Variants in BRPF3 observed in about 807,000 individuals in gnomAD.
The protein encoded by BRPF3 is bromodomain and PHD finger-containing protein 3.
In BRPF3, 18 loss-of-function variants were observed where a neutral mutation model predicts 102.0. The ratio of observed to expected loss-of-function variants is 0.18; its 90% confidence interval spans 0.12 to 0.26. The LOEUF (loss-of-function observed/expected upper bound fraction) is 0.26, where lower values mean the gene tolerates loss of function less well. Ranked by LOEUF, BRPF3 falls within the 10% of genes least tolerant of loss-of-function variation. The pLI is 1.00. For synonymous variants in BRPF3, 570 were observed against 614.2 expected, an observed-to-expected ratio of 0.93 and a Z score of 1.06; for missense variants, 1,147 against 1,567.8, an observed-to-expected ratio of 0.73 and a Z score of 4.53.
intron 10 of BRPF3, among the ~76,000 whole-genome samples, chr6:36,224,462 AGT>A (rs1768664323): frequency 6.6e-6 from 1 of 152,242 alleles, no homozygotes; most frequent in African/African-American, 2.4e-5. Flanking sequence ...AGGGATACCC[AGT>A]CTCATTTCTG....
At chr6:36,228,725 C>T (rs893259418) in intron 11 of BRPF3, among the ~76,000 whole-genome samples, 177 bp from the exon 12 acceptor site, 25 of 152,214 alleles carry the variant, frequency 1.6e-4, no homozygotes, top group African/African-American at 5.3e-4. Context: ...GACCTCTACT[C>T]TTCTGTCCTA....
chr6:36,229,842 C>T (rs371935801), intron 12 of BRPF3, among the ~76,000 whole-genome samples: 1 of 152,202 alleles, frequency 6.6e-6, no homozygotes. Flanking sequence ...TTAATCCCCT[C>T]ATAATCCATT....
At position 36,230,711 on chromosome 6, in the gene BRPF3, C is replaced by T. The variant is rs934939001; in HGVS notation, c.*102C>T. On this transcript the variant is annotated 3_prime_UTR_variant, in exon 13 of 13. Transcript: ENST00000357641. This position sits in a 1 kb window ranked among gnomAD's most constrained non-coding sequence, Gnocchi z 5.4. ...GATGTATGGCCGGCAGCTTCCCCCTCTCATGGTAGGCCAGGGACTGGGCTT... is the reference window on the plus strand; with the variant it reads ...GATGTATGGCCGGCAGCTTCCCCCTTTCATGGTAGGCCAGGGACTGGGCTT... 2 of 1,384,640 alleles carry T rather than the reference C, an allele frequency of 1.4e-6. No individual in the cohort carries two copies. Among genetic ancestry groups the T allele is most frequent in the Non-Finnish European group, 2.0e-6 (2 of 1,023,854 alleles). 85.8% of individuals were successfully genotyped at this position (1,384,640 alleles called of 1,614,324 possible). A position where few individuals can be genotyped will look rare whatever the true frequency, so the allele number is the denominator to read the frequency against.
rs770143349 is a variant in BRPF3 at position 36,207,388 on chromosome 6, C to T, written c.1681C>T (p.Arg561Trp). ...YWQKLRHDLE[R>W]ARLLIELIRK... ...GCAGAAGCTCCGGCATGACTTGGAG[C>T]GGGCGCGGCTGCTGATTGAGCTGAT... Residue 561 changes from arginine to tryptophan, a missense_variant, in exon 4 of 13, where the codon CGG becomes TGG. Transcript: ENST00000357641. 8.7e-6 allele frequency: 14 copies of T among 1,613,878 alleles called. No homozygotes were observed. Among genetic ancestry groups the T allele is most frequent in the South Asian group, 2.2e-5 (2 of 91,080 alleles).
Position 36,228,983 on chromosome 6 carries a change from C to G in BRPF3, c.3361C>G (p.Leu1121Val), listed in dbSNP as rs1316935362. The change falls in exon 12 of 13, where the codon CTG becomes GTG. Residue 1121 changes from leucine to valine, a missense_variant. Leu to Val is a conservative substitution (Grantham distance 32). This residue lies in a region of BRPF3 where 85 missense variants were observed against 172.9 expected (regional missense o/e 0.49). Transcript: ENST00000357641. ...TGTCCCCCCGCTGGACGTGCTGAAG[C>G]TGGGAGAGCAGAAACAGGCAGAGGC... ...IPVPPLDVLK[L>V]GEQKQAEAGE... 1.9e-6 allele frequency: 3 copies of G among 1,614,130 alleles called. No individual in the cohort carries two copies. In the African/African-American group the frequency reaches 4.0e-5, roughly 22 times the overall value.
chr6:36,230,226 C>G lies in BRPF3; in HGVS notation c.3435-200C>G, dbSNP rs375055781. Among the ~76,000 whole-genome samples, 1 of 152,022 alleles carries G rather than the reference C, an allele frequency of 6.6e-6. No homozygotes were observed. The highest frequency in any genetic ancestry group is 1.5e-5 in the Non-Finnish European group (1 of 67,998). ...CAAAATTGATTCCATGCCATTCCCC[C>G]ACCCGACTCCTGCATATCCTGCTTG... On this transcript the variant is annotated intron_variant, in intron 12 of 12. Transcript: ENST00000357641. This position sits in a 1 kb window ranked among gnomAD's most constrained non-coding sequence, Gnocchi z 5.4.
rs780499788 is a variant in BRPF3 at position 36,228,942 on chromosome 6, A to G, written c.3320A>G (p.Asn1107Ser). 1.1e-5 allele frequency: 18 copies of G among 1,614,110 alleles called. 1 individual carries two copies. Among genetic ancestry groups the G allele is most frequent in the South Asian group, 3.3e-5 (3 of 91,084 alleles). The part of the protein sequence containing the change: ...PKMPREGLLH[N>S]GVPIPVPPLD... ...ATGCCCCGGGAGGGCCTCCTGCACAATGGCGTTCCCATCCCTGTCCCCCCG... is the reference window on the plus strand; with the variant it reads ...ATGCCCCGGGAGGGCCTCCTGCACAGTGGCGTTCCCATCCCTGTCCCCCCG... Residue 1107 changes from asparagine to serine, a missense_variant, in exon 12 of 13, where the codon AAT (asparagine) becomes AGT (serine). This residue lies in a region of BRPF3 where 85 missense variants were observed against 172.9 expected (regional missense o/e 0.49). Transcript: ENST00000357641.
At chr6:36,223,083 T>TACCA (rs2127295480) in intron 10 of BRPF3, among the ~76,000 whole-genome samples, 1 of 151,892 alleles carries the variant, frequency 6.6e-6, no homozygotes, top group South Asian at 2.1e-4. Context: ...AGGCCTGGGG[T>TACCA]GGTGCTTAGG....
In BRPF3 at chr6:36,200,932, G is replaced by A. The variant is rs774578899; in HGVS notation, c.610G>A (p.Ala204Thr). The A allele has an allele frequency of 3.1e-6, 5 of 1,614,088 alleles. No individual in the cohort carries two copies. Among genetic ancestry groups the A allele is most frequent in the Admixed American group, 3.3e-5 (2 of 60,010 alleles). Residue 204 changes from alanine (A) to threonine (T), a missense_variant, in exon 2 of 13, where the codon GCC (alanine) becomes ACC (threonine). Ala to Thr is a moderately conservative substitution (Grantham distance 58, BLOSUM62 0). This residue lies in a region of BRPF3 where 221 missense variants were observed against 337.1 expected (regional missense o/e 0.66). Coordinates refer to ENST00000357641, the MANE Select transcript of BRPF3 (RefSeq NM_015695.3). This position sits in a 1 kb window ranked among gnomAD's most constrained non-coding sequence, Gnocchi z 5.3. ...ESYLESRSSG[A>T]QQSLIDEDAF... The stretch of plus-strand genomic sequence containing the variant: ...ATACTTGGAGAGTCGCAGCAGTGGG[G>A]CCCAACAGTCACTCATCGATGAAGA...
At chr6:36,203,997 C>A (rs190617290) in intron 2 of BRPF3, among the ~76,000 whole-genome samples, 2 of 152,226 alleles carry the variant, frequency 1.3e-5, no homozygotes, top group Non-Finnish European at 2.9e-5. Flanking sequence ...TTTTCCTCCC[C>A]CAAGGAGTTA....
chr6:36,199,572 A>T (rs1262972239), intron 1 of BRPF3, among the ~76,000 whole-genome samples: 5 of 152,036 alleles, frequency 3.3e-5, no homozygotes, highest in Non-Finnish European at 7.4e-5. Context: ...TTGGGAGAAG[A>T]CTCTAGTGAC....
chr6:36,207,542 A>G, intron 4 of BRPF3, 98 bp downstream of exon 4: 7 of 1,470,554 alleles, frequency 4.8e-6, no homozygotes, highest in Non-Finnish European at 6.4e-6. Flanking sequence ...GCCTTATGCT[A>G]GGTTTCTTTC....
At chr6:36,229,182 A>C in intron 12 of BRPF3, 126 bp downstream of exon 12, 1 of 1,234,972 alleles carries the variant, frequency 8.1e-7, no homozygotes, top group East Asian at 2.6e-5. Flanking sequence ...ACTTGCCAGC[A>C]ACAGGCCTGC....
chr6:36,200,332 C>T lies in BRPF3; in HGVS notation c.10C>T (p.Pro4Ser), dbSNP rs535488863. The T allele has an allele frequency of 6.2e-7, 1 of 1,612,958 alleles. No individual in the cohort carries two copies. The highest frequency in any genetic ancestry group is 8.5e-7 in the Non-Finnish European group (1 of 1,179,256). MRK[P>S]RRKSRQNAEG... is the part of the protein sequence containing the mutation. ...TCAGTTCCCAGGTGCCATGAGGAAG[C>T]CTCGTCGGAAGTCCCGGCAGAATGC... The change falls in exon 2 of 13, where the codon CCT becomes TCT. Residue 4 changes from proline (P) to serine (S), a missense_variant. By Grantham distance (74) the Pro-to-Ser change is moderately conservative. Transcript: ENST00000357641. The surrounding 1 kb of genome is among the most constrained non-coding windows in gnomAD (Gnocchi z 5.3).
At chr6:36,218,393 C>T (rs910601486) in intron 9 of BRPF3, among the ~76,000 whole-genome samples, 2 of 151,678 alleles carry the variant, frequency 1.3e-5, no homozygotes, top group South Asian at 2.1e-4. Flanking sequence ...CCTTTTGGGG[C>T]GTCATAGCCT....
At chr6:36,217,119 C>T (rs1303383650) in intron 8 of BRPF3, among the ~76,000 whole-genome samples, 1 of 152,188 alleles carries the variant, frequency 6.6e-6, no homozygotes, top group African/African-American at 2.4e-5. Flanking sequence ...ACCAAACAGC[C>T]TTCATTCGCC....
chr6:36,214,974 C>T (rs1768274380), intron 8 of BRPF3, among the ~76,000 whole-genome samples: 1 of 150,888 alleles, frequency 6.6e-6, no homozygotes, highest in African/African-American at 2.4e-5. Flanking sequence ...CTAGAAAGTA[C>T]ATAGGTCCTG....
intron 7 of BRPF3, among the ~76,000 whole-genome samples, chr6:36,211,972 G>GTT (rs1768134421): frequency 6.6e-6 from 1 of 152,152 alleles, no homozygotes; most frequent in Non-Finnish European, 1.5e-5. Context: ...CACGTGGAGA[G>GTT]ACTCTAGAGC....
Position 36,196,749 on chromosome 6 carries a change from G to C in BRPF3, c.-248G>C, listed in dbSNP as rs1211624885. The stretch of plus-strand genomic sequence containing the variant: ...CCTCCCCTCGGCCGGGCTCCGTGGC[G>C]GCAGCGGCAGCAGCGGCGGCTCCAT... On this transcript the variant is annotated 5_prime_UTR_variant, in exon 1 of 13. Coordinates refer to ENST00000357641, the MANE Select transcript of BRPF3 (RefSeq NM_015695.3). The C allele has an allele frequency of 2.0e-5, 3 of 153,262 alleles. No individual in the cohort carries two copies. Among genetic ancestry groups the C allele is most frequent in the African/African-American group, 7.2e-5 (3 of 41,416 alleles). 9.5% of individuals were successfully genotyped at this position (153,262 alleles called of 1,614,324 possible). A position where few individuals can be genotyped will look rare whatever the true frequency, so the allele number is the denominator to read the frequency against.
Sources: gnomAD v4.1 joint callset for allele counts (sites outside exome capture counted in the v4.1 genomes callset) on GRCh38, gnomAD v4.1.1 for gene constraint, gnomAD v4.1.1 regional missense constraint, Gnocchi (gnomAD v3.1) non-coding constraint, MANE v1.5 for transcripts, NCBI Gene and HGNC (gene_info 2026-07-23, HGNC 2026-07-21) for gene names.